Variants in CARF observed in about 807,000 individuals in gnomAD.
CARF encodes calcium responsive transcription factor, also known as calcium-responsive transcription factor.
A neutral mutation model predicts 82.0 loss-of-function variants in CARF; 57 were observed. The ratio of observed to expected loss-of-function variants is 0.70; its 90% CI spans 0.56 to 0.87. The LOEUF is 0.87. Ranked by LOEUF, CARF falls within the 40% of genes least tolerant of loss-of-function variation. The pLI is 0.00. For missense variants in CARF, 771 were observed against 855.8 expected, an observed-to-expected ratio of 0.90 and a Z score of 1.24; for synonymous variants, 268 against 290.1, an observed-to-expected ratio of 0.92 and a Z score of 0.77.
chr2:202,980,664 T>C (rs1380877311), intron 14 of CARF, among the ~76,000 whole-genome samples: 1 of 53,534 alleles, frequency 1.9e-5, no homozygotes, highest in East Asian at 3.1e-4. Context: ...ATATATATAG[T>C]TGTGCCTCTG....
Position 202,967,069 on chromosome 2 carries a change from T to G in CARF, c.924T>G (p.Cys308Trp), listed in dbSNP as rs2105900996. 1 of 1,614,154 alleles carries G rather than the reference T, an allele frequency of 6.2e-7. No homozygotes were observed. The highest frequency in any genetic ancestry group is 2.2e-5 in the East Asian group (1 of 44,860). ...TCAGTGAGCAGGAAAGCAGGTCTTG[T>G]CAGCTCTACAAAGCCACTTGTCCAG... Reference protein sequence around the residue: ...KKVSEQESRSCQLYKATCPAR... With the variant: ...KKVSEQESRSWQLYKATCPAR... Residue 308 changes from cysteine to tryptophan, a missense_variant, in exon 10 of 17, where the codon TGT becomes TGG. Physicochemically the swap from Cys to Trp is radical, Grantham distance 215. Transcript: ENST00000438828.
chr2:202,964,908 C>T (rs2059486204), intron 9 of CARF, among the ~76,000 whole-genome samples: 1 of 148,680 alleles, frequency 6.7e-6, no homozygotes, highest in Non-Finnish European at 1.5e-5. Flanking sequence ...TATACACACA[C>T]ACACATACAT....
intron 13 of CARF, 109 bp downstream of exon 13, chr2:202,974,605 G>A: frequency 1.9e-6 from 2 of 1,061,856 alleles, no homozygotes; most frequent in Admixed American, 2.9e-5. Flanking sequence ...TGCAATATAA[G>A]CAAATACAAT....
chr2:202,916,656 CAAT>C (rs1448601984), intron 1 of CARF, among the ~76,000 whole-genome samples: 1 of 152,070 alleles, frequency 6.6e-6, no homozygotes, highest in African/African-American at 2.4e-5. Context: ...TTGGTTGTAA[CAAT>C]AATATTTTAA....
In CARF at chr2:202,970,014, C is replaced by G; in HGVS notation, c.1049C>G (p.Ala350Gly). ...ATTATCAGAATGGAGCAGGAGAAAG[C>G]TTTTAACATGCTAAAGAAGAACTTG... Reference protein sequence around the residue: ...KKIIRMEQEKAFNMLKKNLVD... With the variant: ...KKIIRMEQEKGFNMLKKNLVD... Residue 350 changes from alanine (A) to glycine (G), a missense_variant, in exon 11 of 17, where the codon GCT becomes GGT. Transcript: ENST00000438828. The G allele has an allele frequency of 6.3e-7, 1 of 1,579,222 alleles. No homozygotes were observed. Among genetic ancestry groups the G allele is most frequent in the Non-Finnish European group, 8.5e-7 (1 of 1,169,874 alleles).
At chr2:202,939,113 G>T (rs775253626) in intron 3 of CARF, among the ~76,000 whole-genome samples, 2 of 152,110 alleles carry the variant, frequency 1.3e-5, no homozygotes, top group Non-Finnish European at 2.9e-5. Context: ...ACTACATTGA[G>T]TATGGGTTTC....
Position 202,981,629 on chromosome 2 carries a change from A to C in CARF, c.1633A>C (p.Thr545Pro). The change falls in exon 15 of 17, where the codon ACC becomes CCC. Residue 545 changes from threonine (T) to proline (P), a missense_variant. By Grantham distance (38) the Thr-to-Pro change is conservative (BLOSUM62 -1). Transcript: ENST00000438828. ...QTRGSLSPEP[T>P]HLLSSLSSFQ... ...CAGGGGTTCTTTGTCTCCTGAGCCA[A>C]CCCACTTGCTCTCCTCACTCTCCTC... 1 of 1,612,152 alleles carries C rather than the reference A, an allele frequency of 6.2e-7. No homozygotes were observed. The highest frequency in any genetic ancestry group is 8.5e-7 in the Non-Finnish European group (1 of 1,178,758).
chr2:202,950,711 C>T (rs1203399124), intron 5 of CARF, among the ~76,000 whole-genome samples: 2 of 152,154 alleles, frequency 1.3e-5, no homozygotes, highest in African/African-American at 4.8e-5. Context: ...ACAGTTTCCT[C>T]ATTTATAAAA....
At chr2:202,935,243 AT>A (rs2105776953) in intron 3 of CARF, among the ~76,000 whole-genome samples, 1 of 142,910 alleles carries the variant, frequency 7.0e-6, no homozygotes, top group African/African-American at 2.5e-5. Context: ...TATATTATAT[AT>A]TTGTATATTA....
At chr2:202,921,749 A>G (rs888503484) in intron 2 of CARF, among the ~76,000 whole-genome samples, 2 of 152,186 alleles carry the variant, frequency 1.3e-5, no homozygotes, top group Non-Finnish European at 2.9e-5. Flanking sequence ...ATTATAAGTG[A>G]CTTTAACTTT....
chr2:202,927,595 G>A (rs923730594), intron 3 of CARF, among the ~76,000 whole-genome samples: 1 of 151,966 alleles, frequency 6.6e-6, no homozygotes, highest in Non-Finnish European at 1.5e-5. Flanking sequence ...GGGGTATAGT[G>A]TGATATTTTG....
intron 8 of CARF, among the ~76,000 whole-genome samples, chr2:202,959,569 A>G (rs1574690534): frequency 6.6e-6 from 1 of 152,224 alleles, no homozygotes; most frequent in Non-Finnish European, 1.5e-5. Context: ...CTGTAATCCC[A>G]TCACTTTGGG....
rs2060264644 is a variant in CARF, at chr2:202,981,561, C to T, written c.1565C>T (p.Ser522Leu). 1.9e-6 allele frequency: 3 copies of T among 1,592,532 alleles called. No homozygotes were observed. Among genetic ancestry groups the T allele is most frequent in the Non-Finnish European group, 1.7e-6 (2 of 1,168,500 alleles). Residue 522 changes from serine (S) to leucine (L), a missense_variant, in exon 15 of 17, where the codon TCA becomes TTA. Ser to Leu is a moderately radical substitution (Grantham distance 145). Coordinates refer to ENST00000438828, the MANE Select transcript of CARF (RefSeq NM_024744.17). ...TTTCTTTAATATAATTTAGGAAATTCACCAGGAGAATCAATTACCACCAAA... is the reference window on the plus strand; with the variant it reads ...TTTCTTTAATATAATTTAGGAAATTTACCAGGAGAATCAATTACCACCAAA... ...TMTVTFAEGN[S>L]PGESITTKVE... is the part of the protein sequence containing the mutation.
At chr2:202,940,363 G>C (rs1026604785) in intron 3 of CARF, among the ~76,000 whole-genome samples, 3 of 151,942 alleles carry the variant, frequency 2.0e-5, no homozygotes, top group Non-Finnish European at 2.9e-5. Flanking sequence ...ACTTTTGATA[G>C]TTTTTATTAT....
chr2:202,964,038 A>T (rs1559254876), intron 9 of CARF, among the ~76,000 whole-genome samples: 2 of 152,084 alleles, frequency 1.3e-5, no homozygotes, highest in Non-Finnish European at 2.9e-5. Flanking sequence ...ATTCTTTATT[A>T]GATAGATAGC....
chr2:202,943,171 A>T (rs1172947503), intron 5 of CARF, among the ~76,000 whole-genome samples: 2 of 152,164 alleles, frequency 1.3e-5, no homozygotes, highest in East Asian at 1.9e-4. Context: ...TTCCGAGTTC[A>T]AGCGATTCTC....
Position 202,983,885 on chromosome 2 carries a change from T to C in CARF, c.*261T>C. Reference sequence around the variant, plus strand: ...AGTATTTCAAAAGCTGTTCTGAATTTATCCACAGTAATATAGTCTGAACAC... The same window carrying C: ...AGTATTTCAAAAGCTGTTCTGAATTCATCCACAGTAATATAGTCTGAACAC... On this transcript the variant is annotated 3_prime_UTR_variant, in exon 17 of 17. Transcript: ENST00000438828. 1 of 369,512 alleles carries C rather than the reference T, an allele frequency of 2.7e-6. No homozygotes were observed. Among genetic ancestry groups the C allele is most frequent in the Non-Finnish European group, 4.8e-6 (1 of 207,374 alleles). The allele number at this position is 369,512 out of a possible 1,614,324, so 22.9% of individuals were successfully genotyped here.
intron 5 of CARF, among the ~76,000 whole-genome samples, chr2:202,950,555 T>G (rs868722874): frequency 1.3e-5 from 2 of 152,196 alleles, no homozygotes; most frequent in South Asian, 4.1e-4. Context: ...TTTGCTTTTG[T>G]CTTTTCTTAG....
chr2:202,956,415 C>A (rs923479341), intron 8 of CARF, among the ~76,000 whole-genome samples: 1 of 151,834 alleles, frequency 6.6e-6, no homozygotes, highest in Non-Finnish European at 1.5e-5. Flanking sequence ...GCCACCACAC[C>A]TGGCTAATTT....
Sources: allele counts gnomAD v4.1 joint callset (sites outside exome capture counted in the v4.1 genomes callset), GRCh38; gene constraint gnomAD v4.1.1; transcripts MANE v1.5; gene names NCBI Gene and HGNC (gene_info 2026-07-23, HGNC 2026-07-21).